PHACTR2: variants seen among roughly 807,000 people sequenced by gnomAD.
PHACTR2 encodes phosphatase and actin regulator 2.
Under a neutral mutation model 76.0 loss-of-function variants are expected in PHACTR2, and 30 were observed. The observed-to-expected ratio is 0.39, with a 90% confidence interval of 0.30 to 0.54. PHACTR2 has a LOEUF of 0.54. Among genes scored for constraint, PHACTR2 ranks in the 20% least tolerant of loss-of-function variants. The probability of loss-of-function intolerance (pLI) is 0.61; values close to 1 mark genes in which losing one functional copy is unlikely to be tolerated. For synonymous variants in PHACTR2, 292 were observed against 292.5 expected, an observed-to-expected ratio of 1.00 and a Z score of 0.02; for missense variants, 696 against 781.1, an observed-to-expected ratio of 0.89 and a Z score of 1.30.
Position 143,608,286 on chromosome 6 carries a change from A to G in PHACTR2, c.-24A>G. ...GGGCTTCCCGGCTGCCAGGCTACAGAACTCGCCTCGCCACTCCTGAGACAT... is the reference window on the plus strand; with the variant it reads ...GGGCTTCCCGGCTGCCAGGCTACAGGACTCGCCTCGCCACTCCTGAGACAT... On this transcript the variant is annotated 5_prime_UTR_variant, in exon 1 of 12. Transcript: ENST00000305766. The surrounding 1 kb of genome is among the most constrained non-coding windows in gnomAD (Gnocchi z 4.6). The G allele has an allele frequency of 6.2e-7, 1 of 1,613,984 alleles. No individual in the cohort carries two copies. The highest frequency in any genetic ancestry group is 8.5e-7 in the Non-Finnish European group (1 of 1,179,894).
chr6:143,771,215 T>C lies in PHACTR2; in HGVS notation c.1233-1043T>C, dbSNP rs190206376. Among the ~76,000 whole-genome samples, 711 of 101,248 alleles carry C rather than the reference T, an allele frequency of 7.0e-3. 40 individuals are homozygous for C. The highest frequency in any genetic ancestry group is 0.03 in the African/African-American group (679 of 22,296). The allele number at this position is 101,248 out of a possible 152,430, so 66.4% of individuals were successfully genotyped here. On this transcript the variant is annotated intron_variant, in intron 6 of 12. Coordinates refer to ENST00000440869, the MANE Select transcript of PHACTR2 (RefSeq NM_001100164.2). ...GTGTGTATATATATATATATATATA[T>C]ATATATATATATATATATATGCTTT...
At position 143,679,425 on chromosome 6, in the gene PHACTR2, C is replaced by A. The variant is rs1050197682; in HGVS notation, c.46+1216C>A. The stretch of plus-strand genomic sequence containing the variant: ...TTGACAGCTTTTTGAGAGATATTTG[C>A]GGGGAGGGGTTGAGTAGGATTTTAA... On this transcript the variant is annotated intron_variant, in intron 1 of 12. Transcript: ENST00000440869. The surrounding 1 kb of genome is among the most constrained non-coding windows in gnomAD (Gnocchi z 4.6). Among the ~76,000 whole-genome samples the A allele has an allele frequency of 6.6e-6, 1 of 152,022 alleles. No homozygotes were observed. The highest frequency in any genetic ancestry group is 1.5e-5 in the Non-Finnish European group (1 of 68,004).
rs975933878 is a variant in PHACTR2 at position 143,742,966 on chromosome 6, G to C, written c.215-6019G>C. ...TTCTAGATCCTAGGTACTGGTCTCA[G>C]TATTTTACTTGGTTTAACCTATTTA... On this transcript the variant is annotated intron_variant, in intron 2 of 12. Transcript: ENST00000440869. This position sits in a 1 kb window ranked among gnomAD's most constrained non-coding sequence, Gnocchi z 4.5. Among the ~76,000 whole-genome samples, 2 of 152,330 alleles carry C rather than the reference G, an allele frequency of 1.3e-5. No homozygotes were observed. The highest frequency in any genetic ancestry group is 4.8e-5 in the African/African-American group (2 of 41,566).
In PHACTR2 at chr6:143,780,206, A is replaced by G. The variant is rs113252813; in HGVS notation, c.1645+2823A>G. On this transcript the variant is annotated intron_variant, in intron 9 of 12. Transcript: ENST00000440869. The surrounding 1 kb of genome is among the most constrained non-coding windows in gnomAD (Gnocchi z 4.4). ...TTTTACAGTAAATCCGCATATATCTACCATCTATAGTCTGTCATTAACATC... is the reference window on the plus strand; with the variant it reads ...TTTTACAGTAAATCCGCATATATCTGCCATCTATAGTCTGTCATTAACATC... 9.9e-3 allele frequency among the ~76,000 whole-genome samples: 1,514 copies of G among 152,272 alleles called. 22 individuals are homozygous for G. The highest frequency in any genetic ancestry group is 0.035 in the African/African-American group (1,441 of 41,548).
chr6:143,640,056 T>C (rs572605691), intron 1 of PHACTR2, among the ~76,000 whole-genome samples: 1 of 152,352 alleles, frequency 6.6e-6, no homozygotes, highest in South Asian at 2.1e-4. Flanking sequence ...TCCTATAACC[T>C]AGTGATGTCA....
chr6:143,701,437 T>C (rs1231105474), intron 1 of PHACTR2, among the ~76,000 whole-genome samples: 1 of 152,232 alleles, frequency 6.6e-6, no homozygotes, highest in East Asian at 1.9e-4. Flanking sequence ...AGCGTGAAAT[T>C]AACCGTGATG....
chr6:143,827,153 AAAATATATATAT>A lies in PHACTR2; in HGVS notation c.*3466_*3477del, dbSNP rs1411092186. 1.8e-5 allele frequency: 1 copy of A among 54,114 alleles called. No homozygotes were observed. Among genetic ancestry groups the A allele is most frequent in the Non-Finnish European group, 3.9e-5 (1 of 25,732 alleles). The allele number at this position is 54,114 out of a possible 1,614,324, so 3.4% of individuals were successfully genotyped here. Reference sequence around the variant, plus strand: ...CAGGGCTGCGTTGGCATTAAAAAAGAAAATATATATATATATATATATATATATATATATATA... The same window carrying A: ...CAGGGCTGCGTTGGCATTAAAAAAGAATATATATATATATATATATATATA... On this transcript the variant is annotated 3_prime_UTR_variant, in exon 13 of 13. Coordinates refer to ENST00000440869, the MANE Select transcript of PHACTR2 (RefSeq NM_001100164.2).
At chr6:143,657,509 G>C (rs1251395059) in intron 1 of PHACTR2, among the ~76,000 whole-genome samples, 1 of 152,132 alleles carries the variant, frequency 6.6e-6, no homozygotes, top group Non-Finnish European at 1.5e-5. Flanking sequence ...TCAGGAAAAT[G>C]GTTTTGAAGG....
intron 1 of PHACTR2, among the ~76,000 whole-genome samples, chr6:143,711,468 A>G (rs1778175409): frequency 6.6e-6 from 1 of 152,224 alleles, no homozygotes; most frequent in Non-Finnish European, 1.5e-5. Flanking sequence ...TCTTGTTGTT[A>G]GTGTAGTTAT....
rs1776893134 is a variant in PHACTR2, at chr6:143,658,669, A to AATATAC, written c.13+50348_13+50349insTATACA. On this transcript the variant is annotated intron_variant, in intron 1 of 11. Transcript: ENST00000305766. This position sits in a 1 kb window ranked among gnomAD's most constrained non-coding sequence, Gnocchi z 4.1. ...ACAATGGTAAGCATTTGTGTATCTA[A>AATATAC]ACATATATCTAAACATAGAAAAGGT... Among the ~76,000 whole-genome samples the AATATAC allele has an allele frequency of 6.6e-6, 1 of 152,180 alleles. No individual in the cohort carries two copies. Among genetic ancestry groups the AATATAC allele is most frequent in the African/African-American group, 2.4e-5 (1 of 41,440 alleles).
intron 1 of PHACTR2, among the ~76,000 whole-genome samples, chr6:143,634,388 A>C (rs1446827723): frequency 3.9e-5 from 6 of 152,208 alleles, no homozygotes; most frequent in Non-Finnish European, 8.8e-5. Flanking sequence ...ATAAGAGAGC[A>C]GTTTTGCTAA....
intron 1 of PHACTR2, among the ~76,000 whole-genome samples, chr6:143,699,229 C>G (rs995870366): frequency 5.3e-5 from 8 of 152,134 alleles, no homozygotes; most frequent in Admixed American, 4.6e-4. Flanking sequence ...ATGCAGTCCC[C>G]GTGTGGCTGG....
rs1326020488 is a variant in PHACTR2 at position 143,654,726 on chromosome 6, C to A, written c.13+46404C>A. Among the ~76,000 whole-genome samples, 2 of 152,124 alleles carry A rather than the reference C, an allele frequency of 1.3e-5. No individual in the cohort carries two copies. Among genetic ancestry groups the A allele is most frequent in the Non-Finnish European group, 2.9e-5 (2 of 68,026 alleles). On this transcript the variant is annotated intron_variant, in intron 1 of 11. Transcript: ENST00000305766. The surrounding 1 kb of genome is among the most constrained non-coding windows in gnomAD (Gnocchi z 4.6). ...GGCTGAGGTTGGAGGACTGCTTAAG[C>A]CCAGGAGTTCAAGGCTGCAGTGAGC...
intron 1 of PHACTR2, among the ~76,000 whole-genome samples, chr6:143,681,847 A>G (rs566164658): frequency 2.0e-5 from 3 of 152,348 alleles, no homozygotes; most frequent in African/African-American, 7.2e-5. Context: ...TTCTTTCCCC[A>G]TTGAATGGTG....
intron 1 of PHACTR2, among the ~76,000 whole-genome samples, chr6:143,542,476 G>A (rs1781180224): frequency 6.6e-6 from 1 of 152,174 alleles, no homozygotes; most frequent in African/African-American, 2.4e-5. Context: ...CCAGAGAGTT[G>A]TCAGGAATTG....
intron 1 of PHACTR2, among the ~76,000 whole-genome samples, chr6:143,692,861 C>G (rs1190922750): frequency 8.5e-5 from 13 of 152,144 alleles, no homozygotes; most frequent in Non-Finnish European, 1.5e-5. Context: ...AACACCATAC[C>G]ACAGACTGAG....
Position 143,772,601 on chromosome 6 carries a change from A to G in PHACTR2, c.1432+144A>G, listed in dbSNP as rs1418482142. The G allele has an allele frequency of 7.6e-6, 5 of 659,590 alleles. No individual in the cohort carries two copies. The East Asian group carries it at 8.3e-5, about 11-fold the overall frequency. 40.9% of individuals were successfully genotyped at this position (659,590 alleles called of 1,614,324 possible). A position where few individuals can be genotyped will look rare whatever the true frequency, so the allele number is the denominator to read the frequency against. ...CTCCTTTCTCAAATTAGAAATGTGT[A>G]TATCCTAAAGTTTAGCTTTTGATGG... On this transcript the variant is annotated intron_variant, in intron 7 of 12. Transcript: ENST00000440869. The surrounding 1 kb of genome is among the most constrained non-coding windows in gnomAD (Gnocchi z 5.4).
intron 1 of PHACTR2, among the ~76,000 whole-genome samples, chr6:143,542,896 A>C (rs1337215333): frequency 6.6e-6 from 1 of 152,246 alleles, no homozygotes; most frequent in South Asian, 2.1e-4. Context: ...TCACAGTGCC[A>C]ACATGGCCAT....
At chr6:143,631,225 C>G (rs1376108789) in intron 1 of PHACTR2, among the ~76,000 whole-genome samples, 2 of 152,098 alleles carry the variant, frequency 1.3e-5, no homozygotes, top group Non-Finnish European at 2.9e-5. Context: ...GGGTCTCACT[C>G]TGTTGCCCAG....
Sources: gnomAD v4.1 joint callset for allele counts (sites outside exome capture counted in the v4.1 genomes callset) on GRCh38, gnomAD v4.1.1 for gene constraint, Gnocchi (gnomAD v3.1) non-coding constraint, MANE v1.5 for transcripts, NCBI Gene and HGNC (gene_info 2026-07-23, HGNC 2026-07-21) for gene names.